The following NCR1 variants were observed in gnomAD, a reference collection of about 807,000 sequenced individuals.
NCR1 encodes the protein NK cell-activating receptor.
Under a neutral mutation model 32.5 loss-of-function variants are expected in NCR1, and 30 were observed. That is an observed-to-expected ratio of 0.92 (90% CI 0.69 to 1.25). The LOEUF (loss-of-function observed/expected upper bound fraction) is 1.25. NCR1 is among the 50% of genes most tolerant of loss of function. NCR1 has a pLI of 0.00. For missense variants in NCR1, 369 were observed against 380.7 expected (o/e 0.97, Z 0.26); for synonymous variants, 169 against 143.4 (o/e 1.18, Z -1.28).
chr19:54,924,174 G>C, the NCR1 span, among the ~76,000 whole-genome samples: 2 of 152,266 alleles, frequency 1.3e-5, no homozygotes, highest in African/African-American at 4.8e-5. Context: ...CGACATGTTA[G>C]CCAGGCTGGT....
the NCR1 span, among the ~76,000 whole-genome samples, chr19:54,932,115 G>T: frequency 6.6e-6 from 1 of 152,070 alleles, no homozygotes; most frequent in Admixed American, 6.6e-5. Flanking sequence ...CGATCAGGTA[G>T]GTGACTGTTT....
chr19:54,931,162 G>A, the NCR1 span, among the ~76,000 whole-genome samples: 7 of 152,124 alleles, frequency 4.6e-5, no homozygotes, highest in African/African-American at 7.2e-5. Flanking sequence ...AGTGGCTCAC[G>A]CCTATAATCA....
At chr19:54,901,360 CAAAAAAAA>C (rs80189325), upstream of NCR1, among the ~76,000 whole-genome samples, 281 of 91,170 alleles carry the variant, frequency 3.1e-3, 1 homozygote, top group Non-Finnish European at 4.1e-3. Context: ...GAGTCCATCT[CAAAAAAAA>C]AAAAAAAAAA....
chr19:54,922,857 GAC>G, the NCR1 span, among the ~76,000 whole-genome samples: 3 of 149,642 alleles, frequency 2.0e-5, no homozygotes, highest in Non-Finnish European at 3.0e-5. Flanking sequence ...CAGCGACAGA[GAC>G]ACACACAGAG....
At chr19:54,921,505 C>A in the NCR1 span, among the ~76,000 whole-genome samples, 4 of 152,212 alleles carry the variant, frequency 2.6e-5, no homozygotes, top group East Asian at 7.7e-4. Context: ...GGCACAGTGG[C>A]TCACGCCTGT....
chr19:54,934,636 G>A, the NCR1 span: 148 of 1,613,616 alleles, frequency 9.2e-5, 3 homozygotes, highest in Admixed American at 7.3e-4. This position sits in a 1 kb window ranked among gnomAD's most constrained non-coding sequence, Gnocchi z 6.7. Context: ...CCACTGCTCC[G>A]GGGTGGCACA....
chr19:54,902,215 GGA>G (rs948846368), upstream of NCR1, among the ~76,000 whole-genome samples: 1 of 152,094 alleles, frequency 6.6e-6, no homozygotes, highest in Non-Finnish European at 1.5e-5. Context: ...CTTTCTTCGG[GGA>G]GAGAGGGAGA....
chr19:54,902,567 A>G (rs2067319089), upstream of NCR1, among the ~76,000 whole-genome samples: 1 of 151,976 alleles, frequency 6.6e-6, no homozygotes, highest in African/African-American at 2.4e-5. Flanking sequence ...GCACCTGGCC[A>G]GAAATTCTTT....
the NCR1 span, among the ~76,000 whole-genome samples, chr19:54,925,901 GA>G: frequency 1.3e-5 from 2 of 151,826 alleles, no homozygotes; most frequent in African/African-American, 4.8e-5. Context: ...TCGGGAGGCT[GA>G]GGCAGGAGAA....
chr19:54,937,900 C>CAAAAA, the NCR1 span: 455 of 515,832 alleles, frequency 8.8e-4, 1 homozygote, highest in East Asian at 1.2e-3. Flanking sequence ...TCCGTCTCAC[C>CAAAAA]AAAAAAAAAA....
chr19:54,904,531 C>CTTTTTTTTTTTTTTTTTTTTT (rs1556717280), upstream of NCR1, among the ~76,000 whole-genome samples: 7 of 118,976 alleles, frequency 5.9e-5, no homozygotes, highest in African/African-American at 1.3e-4. Context: ...GTTTTCTTTT[C>CTTTTTTTTTTTTTTTTTTTTT]TTTTTTTTTT....
upstream of NCR1, among the ~76,000 whole-genome samples, chr19:54,905,737 GT>G (rs987758886): frequency 6.6e-6 from 1 of 152,022 alleles, no homozygotes; most frequent in Non-Finnish European, 1.5e-5. Context: ...GGGGAACTGG[GT>G]TTTCTTAAAT....
chr19:54,935,514 G>A, the NCR1 span, among the ~76,000 whole-genome samples: 1 of 152,062 alleles, frequency 6.6e-6, no homozygotes, highest in Non-Finnish European at 1.5e-5. Flanking sequence ...TGGCCAACAT[G>A]GTGAAACCCT....
chr19:54,925,045 C>A, the NCR1 span, among the ~76,000 whole-genome samples: 1 of 152,126 alleles, frequency 6.6e-6, no homozygotes, highest in Non-Finnish European at 1.5e-5. Context: ...AACGTGGCTG[C>A]AGCATGCAAG....
chr19:54,917,264 G>A (rs1165899805), downstream of NCR1, among the ~76,000 whole-genome samples: 5 of 151,170 alleles, frequency 3.3e-5, no homozygotes, highest in East Asian at 2.0e-4. Context: ...GCAGTGAGTC[G>A]AGATTGCGCC....
At chr19:54,906,373 A>G (rs2278427) in intron 2 of NCR1, 39 bp downstream of exon 2, 1,440,691 of 1,610,180 alleles carry the variant, frequency 0.89, 648,027 homozygotes, top group African/African-American at 0.97. Context: ...ACTCTTCCGG[A>G]TTCAGGCCAA....
intron 5 of NCR1, among the ~76,000 whole-genome samples, chr19:54,911,820 C>T (rs587739280): frequency 5.3e-5 from 8 of 151,956 alleles, no homozygotes; most frequent in Non-Finnish European, 8.8e-5. Context: ...GGCAAAACCC[C>T]GTTTCTACTA....
Position 54,906,335 on chromosome 19 carries a change from G to A in NCR1, c.70+1G>A, listed in dbSNP as rs1452973956. 6.2e-6 allele frequency: 10 copies of A among 1,613,514 alleles called. No homozygotes were observed. Among genetic ancestry groups the A allele is most frequent in the East Asian group, 2.2e-5 (1 of 44,880 alleles). On this transcript the variant is annotated splice_donor_variant, in intron 2 of 6. Coordinates refer to ENST00000291890, the MANE Select transcript of NCR1 (RefSeq NM_004829.7). LOFTEE classifies it high-confidence loss of function. ...AGTCAGAGGATCAGCGCCCAGCAGC[G>A]TGAGTCCTTCCTTCAAAGCCCAGGG... is the stretch of plus-strand genomic sequence containing the variant.
the NCR1 span, among the ~76,000 whole-genome samples, chr19:54,930,178 A>G: frequency 6.6e-6 from 1 of 152,034 alleles, no homozygotes; most frequent in African/African-American, 2.4e-5. Flanking sequence ...AAACACTTTA[A>G]AAATGAGGCC....
Sources: gnomAD v4.1 joint callset for allele counts (sites outside exome capture counted in the v4.1 genomes callset) on GRCh38, gnomAD v4.1.1 for gene constraint, Gnocchi (gnomAD v3.1) non-coding constraint, MANE v1.5 for transcripts, NCBI Gene and HGNC (gene_info 2026-07-23, HGNC 2026-07-21) for gene names.